Variants in PARN observed in about 807,000 individuals in gnomAD.
PARN encodes poly(A)-specific ribonuclease.
PARN carries 71 observed loss-of-function variants against 102.8 expected under a neutral mutation model. The observed-to-expected ratio is 0.69, with a 90% CI of 0.57 to 0.84. PARN has a LOEUF of 0.84. Ranked by LOEUF, PARN falls within the 40% of genes least tolerant of loss-of-function variation. PARN has a pLI of 0.00. For synonymous variants in PARN, 261 were observed against 252.9 expected, an observed-to-expected ratio of 1.03 and a Z score of -0.30; for missense variants, 782 against 760.9, an observed-to-expected ratio of 1.03 and a Z score of -0.33.
At chr16:14,600,068 T>C (rs1185117430) in intron 11 of PARN, 108 bp from the exon 12 acceptor site, 1 of 595,730 alleles carries the variant, frequency 1.7e-6, no homozygotes. Flanking sequence ...TCAAGTTAGA[T>C]AGCTTTAGTT....
chr16:14,525,117 G>A (rs1022029384), intron 21 of PARN, among the ~76,000 whole-genome samples: 4 of 152,146 alleles, frequency 2.6e-5, no homozygotes, highest in Non-Finnish European at 5.9e-5. Flanking sequence ...AGATAATCTT[G>A]CAATGGAATT....
intron 22 of PARN, among the ~76,000 whole-genome samples, chr16:14,463,787 G>GA (rs201674697): frequency 0.017 from 2,111 of 122,154 alleles, 22 homozygotes; most frequent in Non-Finnish European, 0.025. Context: ...GCGGGAAAAA[G>GA]AAAAAAAATC....
intron 21 of PARN, among the ~76,000 whole-genome samples, chr16:14,524,497 A>G (rs1965895290): frequency 6.6e-6 from 1 of 152,246 alleles, no homozygotes; most frequent in African/African-American, 2.4e-5. Context: ...AAGCTTGAAC[A>G]TAATCACTTT....
At chr16:14,479,162 T>C (rs1338715080) in intron 22 of PARN, among the ~76,000 whole-genome samples, 2 of 152,172 alleles carry the variant, frequency 1.3e-5, no homozygotes, top group African/African-American at 4.8e-5. Context: ...CTCATACCTA[T>C]AATACTAACA....
intron 18 of PARN, among the ~76,000 whole-genome samples, chr16:14,563,528 A>ATATATAT: frequency 1.4e-5 from 2 of 139,888 alleles, no homozygotes; most frequent in African/African-American, 5.3e-5. Context: ...GTGTGTATAT[A>ATATATAT]ATTCTTTTAA....
chr16:14,568,389 A>G (rs1238548543), intron 18 of PARN, among the ~76,000 whole-genome samples: 1 of 148,720 alleles, frequency 6.7e-6, no homozygotes, highest in African/African-American at 2.5e-5. Flanking sequence ...ATTTTTTTGT[A>G]TTTTTAGTAG....
intron 21 of PARN, among the ~76,000 whole-genome samples, chr16:14,525,880 G>A (rs911952503): frequency 4.6e-5 from 7 of 152,140 alleles, no homozygotes; most frequent in African/African-American, 1.4e-4. Flanking sequence ...GTACAGTGGT[G>A]CGATCCTGGC....
At chr16:14,506,388 T>C (rs1964895606) in intron 21 of PARN, among the ~76,000 whole-genome samples, 1 of 152,168 alleles carries the variant, frequency 6.6e-6, no homozygotes, top group Non-Finnish European at 1.5e-5. Context: ...TTTGGGGAAA[T>C]TTGATTACAG....
intron 18 of PARN, among the ~76,000 whole-genome samples, chr16:14,577,217 T>C (rs1163137680): frequency 6.6e-6 from 1 of 152,188 alleles, no homozygotes; most frequent in African/African-American, 2.4e-5. Context: ...AAATCTTGCA[T>C]ATTTTTCTAA....
At chr16:14,486,478 G>A (rs1450870073) in intron 21 of PARN, among the ~76,000 whole-genome samples, 1 of 152,226 alleles carries the variant, frequency 6.6e-6, no homozygotes. Context: ...CAGGCGAGCT[G>A]AGTTAATCTA....
intron 5 of PARN, among the ~76,000 whole-genome samples, chr16:14,622,618 C>A (rs1238079072): frequency 6.6e-6 from 1 of 152,234 alleles, no homozygotes; most frequent in African/African-American, 2.4e-5. Flanking sequence ...CATTCTCCTG[C>A]CTCAGCCTCC....
chr16:14,459,080 T>C (rs564517399), intron 22 of PARN, among the ~76,000 whole-genome samples: 14 of 152,306 alleles, frequency 9.2e-5, no homozygotes, highest in Non-Finnish European at 1.3e-4. Flanking sequence ...CGTTGAAAGA[T>C]TGAAAGCTTT....
At chr16:14,466,364 A>G (rs1054394663) in intron 22 of PARN, among the ~76,000 whole-genome samples, 5 of 152,180 alleles carry the variant, frequency 3.3e-5, no homozygotes, top group African/African-American at 1.2e-4. Flanking sequence ...AGGGCTTCAC[A>G]AAGATTCACT....
chr16:14,513,280 T>C (rs1965297111), intron 21 of PARN, among the ~76,000 whole-genome samples: 2 of 152,138 alleles, frequency 1.3e-5, no homozygotes, highest in African/African-American at 4.8e-5. Flanking sequence ...ACAAAATCAT[T>C]AACGTAATAT....
chr16:14,540,286 G>C (rs1186896048), intron 21 of PARN, among the ~76,000 whole-genome samples: 2 of 152,144 alleles, frequency 1.3e-5, no homozygotes, highest in Non-Finnish European at 2.9e-5. Flanking sequence ...TACAGTTTAA[G>C]ATTAGGAAAA....
intron 5 of PARN, among the ~76,000 whole-genome samples, chr16:14,619,764 G>C (rs1972173460): frequency 6.6e-6 from 1 of 150,762 alleles, no homozygotes; most frequent in Non-Finnish European, 1.5e-5. Context: ...ACAAGTCTCT[G>C]CCTCTTAAAA....
chr16:14,615,941 A>G (rs1232315673), intron 6 of PARN, among the ~76,000 whole-genome samples: 1 of 151,698 alleles, frequency 6.6e-6, no homozygotes, highest in Admixed American at 6.6e-5. Context: ...CATGGGTACT[A>G]AACACCTTGC....
At chr16:14,443,928 G>A (rs754488315) in intron 23 of PARN, among the ~76,000 whole-genome samples, 9 of 152,142 alleles carry the variant, frequency 5.9e-5, no homozygotes, top group African/African-American at 1.2e-4. Flanking sequence ...TTGTCGCGCC[G>A]TGCCTAGCAC....
At chr16:14,483,391 G>C (rs1963486690) in intron 21 of PARN, among the ~76,000 whole-genome samples, 1 of 152,184 alleles carries the variant, frequency 6.6e-6, no homozygotes, top group South Asian at 2.1e-4. Flanking sequence ...GAGAAAGCAG[G>C]ATCACAGAGG....
Sources: gnomAD v4.1 joint callset for allele counts (sites outside exome capture counted in the v4.1 genomes callset) on GRCh38, gnomAD v4.1.1 for gene constraint, MANE v1.5 for transcripts, NCBI Gene and HGNC (gene_info 2026-07-23, HGNC 2026-07-21) for gene names.